The following TRPA1 variants were observed in gnomAD, a reference collection of about 807,000 sequenced individuals.
The protein encoded by TRPA1 is ankyrin-like with transmembrane domains 1.
TRPA1 carries 129 observed loss-of-function variants against 131.3 expected under a neutral mutation model. The observed-to-expected ratio is 0.98, with a 90% CI of 0.85 to 1.14. The LOEUF (loss-of-function observed/expected upper bound fraction) is 1.14, where lower values mean the gene tolerates loss of function less well. Ranked by LOEUF, TRPA1 falls within the 50% of genes most tolerant of loss-of-function variation. The pLI is 0.00. For synonymous variants in TRPA1, 441 were observed against 451.7 expected, an observed-to-expected ratio of 0.98 and a Z score of 0.30; for missense variants, 1,304 against 1,354.2, an observed-to-expected ratio of 0.96 and a Z score of 0.58.
chr8:72,029,971 T>C lies in TRPA1; in HGVS notation c.2869-2A>G, dbSNP rs1380204103. 3 of 1,613,594 alleles carry C rather than the reference T, an allele frequency of 1.9e-6. No individual in the cohort carries two copies. Among genetic ancestry groups the C allele is most frequent in the East Asian group, 4.5e-5 (2 of 44,876 alleles). On this transcript the variant is annotated splice_acceptor_variant, in intron 23 of 26. Coordinates refer to ENST00000262209, the MANE Select transcript of TRPA1 (RefSeq NM_007332.3). LOFTEE classifies it high-confidence loss of function. ...AATGTCGCCAACTGCCAAACCAATCTGAAGTATGACACAAAATTAAATCAC... is the reference window on the plus strand; with the variant it reads ...AATGTCGCCAACTGCCAAACCAATCCGAAGTATGACACAAAATTAAATCAC...
chr8:72,041,677 A>G (rs75790117), intron 17 of TRPA1, among the ~76,000 whole-genome samples: 3,602 of 152,026 alleles, frequency 0.024, 115 homozygotes, highest in East Asian at 0.082. Context: ...AAATGAAAAC[A>G]TAATATACCA....
chr8:72,054,080 T>G (rs1805599006), intron 12 of TRPA1: 1 of 568,132 alleles, frequency 1.8e-6, no homozygotes, highest in Non-Finnish European at 3.1e-6. Flanking sequence ...CATACACGTT[T>G]TTTACTTAGT....
chr8:72,064,916 C>G (rs2129436325), intron 4 of TRPA1, among the ~76,000 whole-genome samples: 1 of 152,306 alleles, frequency 6.6e-6, no homozygotes, highest in Non-Finnish European at 1.5e-5. Context: ...AAGGCTGGCT[C>G]TACTCTCAGG....
chr8:72,068,396 G>C (rs1193825041), intron 3 of TRPA1, among the ~76,000 whole-genome samples: 2 of 152,072 alleles, frequency 1.3e-5, no homozygotes. Context: ...AATTTTCCAG[G>C]GTTTCCTCTA....
upstream of TRPA1, among the ~76,000 whole-genome samples, chr8:72,080,425 A>G (rs1806267324): frequency 6.6e-6 from 1 of 151,748 alleles, no homozygotes; most frequent in South Asian, 2.1e-4. Flanking sequence ...ATATTAATAG[A>G]TATTCTAATA....
chr8:72,023,997 G>A (rs1811492638), intron 25 of TRPA1, 86 bp from the exon 26 acceptor site: 3 of 860,332 alleles, frequency 3.5e-6, no homozygotes, highest in Non-Finnish European at 6.0e-6. Flanking sequence ...AACCACCACT[G>A]GTACCAATAT....
the TRPA1 span, among the ~76,000 whole-genome samples, chr8:72,086,085 T>A: frequency 4.0e-4 from 61 of 152,126 alleles, 1 homozygote; most frequent in South Asian, 1.5e-3. Context: ...GTATTTTTAG[T>A]AGAGATGGGG....
rs745437967 is a variant in TRPA1 at position 72,039,030 on chromosome 8, A to G, written c.2133-3T>C. ...GAGCTCTAAATCCATAAGCCAACCTACAAAAATATAAGCAAACCAGAATTG... is the reference window on the plus strand; with the variant it reads ...GAGCTCTAAATCCATAAGCCAACCTGCAAAAATATAAGCAAACCAGAATTG... On this transcript the variant is annotated splice_polypyrimidine_tract_variant and splice_region_variant and intron_variant, in intron 18 of 26. Coordinates refer to ENST00000262209, the MANE Select transcript of TRPA1 (RefSeq NM_007332.3). 6.2e-7 allele frequency: 1 copy of G among 1,612,354 alleles called. No individual in the cohort carries two copies. The highest frequency in any genetic ancestry group is 8.5e-7 in the Non-Finnish European group (1 of 1,179,152).
intron 18 of TRPA1, 23 bp downstream of exon 18, chr8:72,039,704 A>T: frequency 6.7e-7 from 1 of 1,489,162 alleles, no homozygotes; most frequent in Non-Finnish European, 9.4e-7. Flanking sequence ...AGCATTAAAC[A>T]AGAAATACTA....
In TRPA1 at chr8:72,052,612, T is replaced by G; in HGVS notation, c.1798A>C (p.Ile600Leu). The G allele has an allele frequency of 6.2e-7, 1 of 1,613,562 alleles. No individual in the cohort carries two copies. The highest frequency in any genetic ancestry group is 8.5e-7 in the Non-Finnish European group (1 of 1,179,662). The change falls in exon 14 of 27, where the codon ATC (isoleucine) becomes CTC (leucine). Residue 600 changes from isoleucine (I) to leucine (L), a missense_variant. By Grantham distance (5) the Ile-to-Leu change is conservative. Coordinates refer to ENST00000262209, the MANE Select transcript of TRPA1 (RefSeq NM_007332.3). The stretch of plus-strand genomic sequence containing the variant: ...AAGACAGTGTACCTTTTGCTCCTGA[T>G]GATCGTAAGAACAACCTCCTTCCTC... ...NKRKEVVLTI[I>L]RSKRWDECLK...
intron 8 of TRPA1, among the ~76,000 whole-genome samples, chr8:72,058,788 A>G (rs548142683): frequency 5.3e-5 from 8 of 152,190 alleles, no homozygotes; most frequent in African/African-American, 7.2e-5. Context: ...CTACAAATGG[A>G]AATCCGTCAT....
upstream of TRPA1, chr8:72,076,471 A>C (rs973525256): frequency 6.6e-6 from 1 of 152,280 alleles, no homozygotes; most frequent in African/African-American, 2.4e-5. Flanking sequence ...AAGGCTGATT[A>C]TACCTTGCAC....
intron 8 of TRPA1, 21 bp downstream of exon 8, chr8:72,059,369 A>G: frequency 6.9e-7 from 1 of 1,449,566 alleles, no homozygotes; most frequent in Non-Finnish European, 9.6e-7. Context: ...ATAAAAATAA[A>G]CCAGTAAAAG....
intron 7 of TRPA1, 100 bp downstream of exon 7, chr8:72,061,524 CA>C: frequency 6.9e-7 from 1 of 1,456,496 alleles, no homozygotes; most frequent in Non-Finnish European, 9.6e-7. Flanking sequence ...CTTTGAACCA[CA>C]AAATCTTTGC....
chr8:72,026,119 T>C (rs1236219185), intron 24 of TRPA1, 46 bp from the exon 25 acceptor site: 11 of 1,480,594 alleles, frequency 7.4e-6, no homozygotes, highest in Non-Finnish European at 1.0e-5. Flanking sequence ...AGTTAGTATA[T>C]GGAATTTTTA....
At chr8:72,042,014 C>T (rs568633431) in intron 17 of TRPA1, among the ~76,000 whole-genome samples, 30 of 151,912 alleles carry the variant, frequency 2.0e-4, no homozygotes, top group African/African-American at 7.0e-4. Context: ...ATGACACCAA[C>T]AGGACAGGCA....
upstream of TRPA1, among the ~76,000 whole-genome samples, chr8:72,080,057 C>G (rs1806259773): frequency 6.6e-6 from 1 of 151,816 alleles, no homozygotes; most frequent in Admixed American, 6.6e-5. Flanking sequence ...TTTTAAGAGA[C>G]TTTTTAGAAT....
In TRPA1 at chr8:72,053,716, T is replaced by C. The variant is rs200779164; in HGVS notation, c.1644+37A>G. Reference sequence around the variant, plus strand: ...GCAATGTTGGAAGTTTCTGCTATATTGAGATTTTGGGTAAGCATGAGGACC... The same window carrying C: ...GCAATGTTGGAAGTTTCTGCTATATCGAGATTTTGGGTAAGCATGAGGACC... On this transcript the variant is annotated intron_variant, in intron 13 of 26. Coordinates refer to ENST00000262209, the MANE Select transcript of TRPA1 (RefSeq NM_007332.3). 436 of 1,468,870 alleles carry C rather than the reference T, an allele frequency of 3.0e-4. 2 individuals carry two copies. The highest frequency in any genetic ancestry group is 3.2e-4 in the South Asian group (28 of 86,638). 91.0% of individuals were successfully genotyped at this position (1,468,870 alleles called of 1,614,324 possible).
At chr8:72,050,994 G>T in intron 14 of TRPA1, 123 bp from the exon 15 acceptor site, 1 of 721,552 alleles carries the variant, frequency 1.4e-6, no homozygotes, top group Middle Eastern at 2.9e-4. Flanking sequence ...GAAATGCAAT[G>T]CTCACCCTTG....
Sources: gnomAD v4.1 joint callset for allele counts (sites outside exome capture counted in the v4.1 genomes callset) on GRCh38, gnomAD v4.1.1 for gene constraint, MANE v1.5 for transcripts, NCBI Gene and HGNC (gene_info 2026-07-23, HGNC 2026-07-21) for gene names.